Variants in DNMBP observed in about 807,000 individuals in gnomAD.
The protein encoded by DNMBP is dynamin-binding protein.
A neutral mutation model predicts 150.0 loss-of-function variants in DNMBP; 87 were observed. The ratio of observed to expected loss-of-function variants is 0.58; its 90% CI spans 0.49 to 0.69. The LOEUF is 0.69. Ranked by LOEUF, DNMBP falls within the 30% of genes least tolerant of loss-of-function variation. The pLI, the probability that DNMBP is intolerant of heterozygous loss-of-function variation, is 0.00. For synonymous variants in DNMBP, 711 were observed against 750.4 expected (o/e 0.95, Z 0.86); for missense variants, 1,774 against 1,949.0 (o/e 0.91, Z 1.69).
chr10:100,006,203 G>T (rs968558643), intron 1 of DNMBP, among the ~76,000 whole-genome samples: 1 of 152,188 alleles, frequency 6.6e-6, no homozygotes, highest in African/African-American at 2.4e-5. Flanking sequence ...TTGTTCTCAT[G>T]ACCTGACAAT....
intron 9 of DNMBP, among the ~76,000 whole-genome samples, chr10:99,897,256 A>AGGAGT (rs2039668897): frequency 6.6e-6 from 1 of 151,488 alleles, no homozygotes; most frequent in Non-Finnish European, 1.5e-5. Flanking sequence ...GTTATGAAGA[A>AGGAGT]GGAGTGGGTG....
At chr10:99,942,797 C>T (rs747619681) in intron 4 of DNMBP, among the ~76,000 whole-genome samples, 68 of 152,126 alleles carry the variant, frequency 4.5e-4, no homozygotes, top group Non-Finnish European at 9.0e-4. Flanking sequence ...AGCCTATTAA[C>T]GGGTTCTGAT....
At chr10:99,949,031 G>A (rs548266535) in intron 4 of DNMBP, among the ~76,000 whole-genome samples, 43 of 151,838 alleles carry the variant, frequency 2.8e-4, no homozygotes, top group African/African-American at 9.9e-4. Flanking sequence ...TTTAAGAAGA[G>A]GCAGTAGCTA....
intron 3 of DNMBP, among the ~76,000 whole-genome samples, chr10:99,964,868 C>A (rs2040603688): frequency 8.4e-6 from 1 of 118,684 alleles, no homozygotes; most frequent in African/African-American, 4.2e-5. Flanking sequence ...GAGACTCCAG[C>A]CCAAGGAAAA....
intron 1 of DNMBP, among the ~76,000 whole-genome samples, chr10:99,987,999 T>C (rs1487188900): frequency 1.3e-5 from 2 of 152,156 alleles, no homozygotes; most frequent in Non-Finnish European, 2.9e-5. Flanking sequence ...TGTCTGATCA[T>C]TGGGATTCCT....
rs772163330 is a variant in DNMBP at position 99,972,146 on chromosome 10, G to C, written c.-10-12C>G. ...CCATGTTTTATAACCTGGAAAGATA[G>C]ATCAAGAGAAATAGAAAACATCAAT... On this transcript the variant is annotated splice_polypyrimidine_tract_variant and intron_variant, in intron 1 of 16. Transcript: ENST00000324109. The C allele has an allele frequency of 6.3e-7, 1 of 1,597,554 alleles. No individual in the cohort carries two copies. Among genetic ancestry groups the C allele is most frequent in the South Asian group, 1.1e-5 (1 of 88,298 alleles).
chr10:99,985,943 G>A (rs963503499), intron 1 of DNMBP, among the ~76,000 whole-genome samples: 1 of 152,026 alleles, frequency 6.6e-6, no homozygotes, highest in East Asian at 1.9e-4. Flanking sequence ...GTAGAGACGG[G>A]TTTCATCATG....
chr10:99,944,168 A>G (rs2040332141), intron 4 of DNMBP, among the ~76,000 whole-genome samples: 1 of 152,246 alleles, frequency 6.6e-6, no homozygotes. Context: ...AGGCAGCAGG[A>G]AAGAGCATAA....
In DNMBP at chr10:99,884,182, GTTC is replaced by G. The variant is rs767050958; in HGVS notation, c.3823_3825del (p.Glu1275del). 15 of 1,613,514 alleles carry G rather than the reference GTTC, an allele frequency of 9.3e-6. No individual in the cohort carries two copies. The Admixed American group carries it at 1.5e-4, about 16-fold the overall frequency. On this transcript the variant is annotated inframe_deletion, in exon 15 of 17. Transcript: ENST00000324109. ...TACCTGGCCAGGAGGGAGGCCCGGA[GTTC>G]TTCTGACTGTAGCATGTAACTTGGC...
At position 99,956,864 on chromosome 10, in the gene DNMBP, G is replaced by T; in HGVS notation, c.610C>A (p.Pro204Thr). 1 of 1,614,060 alleles carries T rather than the reference G, an allele frequency of 6.2e-7. No individual in the cohort carries two copies. The highest frequency in any genetic ancestry group is 8.5e-7 in the Non-Finnish European group (1 of 1,180,020). Residue 204 changes from proline to threonine, a missense_variant, in exon 4 of 17, where the codon CCC becomes ACC. Transcript: ENST00000324109. The stretch of plus-strand genomic sequence containing the variant: ...ACTGACTCATCCACAGTCCTCAGGG[G>T]CCCCAACAGCTCTACAAAACCTTCT... ...FPEGFVELLG[P>T]LRTVDESVSS...
At chr10:99,907,307 G>A (rs914949595) in intron 6 of DNMBP, among the ~76,000 whole-genome samples, 1 of 151,460 alleles carries the variant, frequency 6.6e-6, no homozygotes, top group Non-Finnish European at 1.5e-5. Flanking sequence ...CAACCTGGGC[G>A]ACAGTGTAAA....
At position 99,970,971 on chromosome 10, in the gene DNMBP, C is replaced by CAAAAAAAAAAAAAAAAAAAAAAAAAA. The variant is rs532226561; in HGVS notation, c.145+983_145+1008dup. On this transcript the variant is annotated intron_variant, in intron 2 of 16. Coordinates refer to ENST00000324109, the MANE Select transcript of DNMBP (RefSeq NM_015221.4). ...TGGGCAACAGAGCAAGACTCCGTCT[C>CAAAAAAAAAAAAAAAAAAAAAAAAAA]AAAAAAAAAAAAAAAAAAAAAAAAA... 2.6e-3 allele frequency among the ~76,000 whole-genome samples: 87 copies of CAAAAAAAAAAAAAAAAAAAAAAAAAA among 33,194 alleles called. 21 individuals are homozygous for CAAAAAAAAAAAAAAAAAAAAAAAAAA. Among genetic ancestry groups the CAAAAAAAAAAAAAAAAAAAAAAAAAA allele is most frequent in the Admixed American group, 4.3e-3 (8 of 1,846 alleles). 21.8% of individuals were successfully genotyped at this position (33,194 alleles called of 152,430 possible).
intron 1 of DNMBP, among the ~76,000 whole-genome samples, chr10:100,009,379 G>A (rs760304664): frequency 1.8e-4 from 28 of 152,208 alleles, no homozygotes; most frequent in Non-Finnish European, 3.1e-4. Context: ...CCCTTGCTTC[G>A]GAAGCCATCT....
At chr10:99,950,123 C>T (rs2040402071) in intron 4 of DNMBP, among the ~76,000 whole-genome samples, 1 of 152,146 alleles carries the variant, frequency 6.6e-6, no homozygotes, top group South Asian at 2.1e-4. Context: ...GTGCTGTTCT[C>T]GTGACTGAAT....
intron 1 of DNMBP, among the ~76,000 whole-genome samples, chr10:100,002,777 TTCC>T (rs2041029300): frequency 6.6e-6 from 1 of 152,098 alleles, no homozygotes; most frequent in African/African-American, 2.4e-5. Context: ...GCCATCTTAT[TTCC>T]TCAAGGACAG....
intron 1 of DNMBP, among the ~76,000 whole-genome samples, chr10:100,008,585 C>A (rs971511915): frequency 2.0e-5 from 3 of 152,136 alleles, no homozygotes; most frequent in Non-Finnish European, 4.4e-5. Flanking sequence ...TTCGCTATGC[C>A]CCATTATGCA....
intron 4 of DNMBP, among the ~76,000 whole-genome samples, chr10:99,914,341 T>C (rs1252745383): frequency 1.3e-5 from 2 of 152,214 alleles, no homozygotes; most frequent in African/African-American, 4.8e-5. Flanking sequence ...CTTTTTGTTG[T>C]TGTTTTGCGT....
In DNMBP at chr10:99,957,031, C is replaced by T; in HGVS notation, c.443G>A (p.Gly148Glu). ...ALFQIPEYSM[G>E]QARALMGLSA... ...AAGCCCCATTAGGGCCCGGGCTTGT[C>T]CCATGGAATATTCCGGAATCTGAAA... The change falls in exon 4 of 17, where the codon GGA becomes GAA. Residue 148 changes from glycine (G) to glutamate (E), a missense_variant. Physicochemically the swap from Gly to Glu is moderately conservative, Grantham distance 98. This residue lies in a region of DNMBP where 344 missense variants were observed against 456.6 expected (regional missense o/e 0.75). Coordinates refer to ENST00000324109, the MANE Select transcript of DNMBP (RefSeq NM_015221.4). 3 of 1,614,200 alleles carry T rather than the reference C, an allele frequency of 1.9e-6. No individual in the cohort carries two copies. The highest frequency in any genetic ancestry group is 1.7e-5 in the Admixed American group (1 of 60,022).
chr10:99,891,399 C>T (rs868536730), intron 11 of DNMBP, among the ~76,000 whole-genome samples: 2 of 151,556 alleles, frequency 1.3e-5, no homozygotes, highest in Admixed American at 1.3e-4. Flanking sequence ...GGTCTCCAGC[C>T]CCTAACCGCG....
Sources: allele counts gnomAD v4.1 joint callset (sites outside exome capture counted in the v4.1 genomes callset), GRCh38; gene constraint gnomAD v4.1.1; regional missense constraint gnomAD v4.1.1; transcripts MANE v1.5; gene names NCBI Gene and HGNC (gene_info 2026-07-23, HGNC 2026-07-21).